FAM161A: variants seen among roughly 807,000 people sequenced by gnomAD.
FAM161A encodes the protein FAM161 centrosomal protein A.
FAM161A carries 57 observed loss-of-function variants against 70.9 expected under a neutral mutation model. The observed-to-expected ratio is 0.80, with a 90% CI of 0.65 to 1.00. The LOEUF (loss-of-function observed/expected upper bound fraction) is 1.00, where lower values mean the gene tolerates loss of function less well. Ranked by LOEUF, FAM161A falls within the 50% of genes least tolerant of loss-of-function variation. The pLI is 0.00. For missense variants in FAM161A, 880 were observed against 836.0 expected (o/e 1.05, Z -0.65); for synonymous variants, 299 against 295.7 (o/e 1.01, Z -0.12).
At chr2:61,845,342 A>T (rs12472573) in intron 1 of FAM161A, among the ~76,000 whole-genome samples, 57,742 of 151,884 alleles carry the variant, frequency 0.38, 11,629 homozygotes, top group East Asian at 0.71. Flanking sequence ...CCATGAGAAC[A>T]CTCCAAACTA....
chr2:61,813,718 CAAAAAAAA>C, the FAM161A span, among the ~76,000 whole-genome samples: 1 of 87,022 alleles, frequency 1.1e-5, no homozygotes, highest in Middle Eastern at 5.9e-3. Context: ...GACCCTGTCT[CAAAAAAAA>C]AAAAAAAAAG....
In FAM161A at chr2:61,840,537, G is replaced by A; in HGVS notation, c.467C>T (p.Thr156Ile). The A allele has an allele frequency of 1.2e-6, 2 of 1,613,638 alleles. No homozygotes were observed. The highest frequency in any genetic ancestry group is 1.7e-6 in the Non-Finnish European group (2 of 1,179,554). The change falls in exon 3 of 7, where the codon ACA (threonine) becomes ATA (isoleucine). Residue 156 changes from threonine (T) to isoleucine (I), a missense_variant. Thr to Ile is a moderately conservative substitution (Grantham distance 89). Transcript: ENST00000404929. ...GCCTAAATCAGGCTCTGAAAATGAT[G>A]TCATTAATGAGACAGGGTGATAGGA... is the stretch of plus-strand genomic sequence containing the variant. ...KNSYHPVSLM[T>I]SFSEPDLGQS...
At chr2:61,804,820 G>GAAAGAAAGAA in the FAM161A span, among the ~76,000 whole-genome samples, 1 of 96,914 alleles carries the variant, frequency 1.0e-5, no homozygotes, top group South Asian at 4.6e-4. Flanking sequence ...GAAAGAAAGA[G>GAAAGAAAGAA]AAAGAGAAAG....
At chr2:61,849,157 TATATATTTATATA>T (rs1401473354) in intron 1 of FAM161A, among the ~76,000 whole-genome samples, 4 of 131,822 alleles carry the variant, frequency 3.0e-5, no homozygotes, top group Non-Finnish European at 6.2e-5. Context: ...TATATTTATT[TATATATTTATATA>T]GTATGTACTG....
At position 61,837,150 on chromosome 2, in the gene FAM161A, G is replaced by A. The variant is rs545130894; in HGVS notation, c.1752-1041C>T. 1.4e-4 allele frequency among the ~76,000 whole-genome samples: 21 copies of A among 152,230 alleles called. No individual in the cohort carries two copies. In the South Asian group the frequency reaches 1.7e-3, roughly 12 times the overall value. ...CCTGAGGTGTTGGGATTACAGATGT[G>A]AGCCATGGCATCCAGCCTTTGCTGT... On this transcript the variant is annotated intron_variant, in intron 4 of 6. Coordinates refer to ENST00000404929, the MANE Select transcript of FAM161A (RefSeq NM_001201543.2).
At position 61,840,399 on chromosome 2, in the gene FAM161A, A is replaced by G. The variant is rs765238873; in HGVS notation, c.605T>C (p.Met202Thr). Reference protein sequence around the residue: ...MTYAKELINNMWTDFCVEDYI... With the variant: ...MTYAKELINNTWTDFCVEDYI... ...ATCCTCAACACAAAAGTCTGTCCAC[A>G]TATTGTTGATGAGCTCCTTAGCATA... Residue 202 changes from methionine to threonine, a missense_variant, in exon 3 of 7, where the codon ATG becomes ACG. Coordinates refer to ENST00000404929, the MANE Select transcript of FAM161A (RefSeq NM_001201543.2). 11 of 1,613,982 alleles carry G rather than the reference A, an allele frequency of 6.8e-6. No individual in the cohort carries two copies. The African/African-American group carries it at 1.3e-4, about 20-fold the overall frequency.
intron 1 of FAM161A, among the ~76,000 whole-genome samples, chr2:61,853,604 G>A (rs1673572520): frequency 6.6e-6 from 1 of 152,178 alleles, no homozygotes; most frequent in Non-Finnish European, 1.5e-5. Context: ...GCACTTGCCA[G>A]AAGCAGAGTA....
the FAM161A span, among the ~76,000 whole-genome samples, chr2:61,804,794 G>GAAAGAAAGAAAGAAAGAA: frequency 6.5e-5 from 9 of 138,944 alleles, no homozygotes; most frequent in South Asian, 2.2e-3. Context: ...AAGAAAGAAA[G>GAAAGAAAGAAAGAAAGAA]AAAGAAAGAA....
At chr2:61,803,816 AAAAT>A in the FAM161A span, among the ~76,000 whole-genome samples, 2 of 152,104 alleles carry the variant, frequency 1.3e-5, no homozygotes, top group African/African-American at 4.8e-5. Flanking sequence ...CTGTCTCGAA[AAAAT>A]AAATAAATAA....
chr2:61,821,788 T>C (rs1393922676), downstream of FAM161A, among the ~76,000 whole-genome samples: 2 of 151,752 alleles, frequency 1.3e-5, no homozygotes, highest in Admixed American at 1.3e-4. Context: ...ATTATTTTTT[T>C]AGACAGAGTC....
chr2:61,804,678 C>G, the FAM161A span, among the ~76,000 whole-genome samples: 3 of 147,336 alleles, frequency 2.0e-5, no homozygotes, highest in Admixed American at 7.0e-5. Flanking sequence ...GAGTGAGACT[C>G]TGCTGAAAGA....
At chr2:61,823,292 C>T (rs9750645), downstream of FAM161A, among the ~76,000 whole-genome samples, 1 of 145,934 alleles carries the variant, frequency 6.9e-6, no homozygotes, top group Admixed American at 6.9e-5. Flanking sequence ...AAGATCGCAC[C>T]ACTGCACTCC....
chr2:61,840,779 T>C (rs1286891524), intron 2 of FAM161A, among the ~76,000 whole-genome samples, 198 bp from the exon 3 acceptor site: 1 of 152,006 alleles, frequency 6.6e-6, no homozygotes, highest in Non-Finnish European at 1.5e-5. Context: ...GCCTCCCGAG[T>C]AGCTGGGACT....
intron 5 of FAM161A, among the ~76,000 whole-genome samples, chr2:61,831,656 T>C (rs1672579209): frequency 6.6e-6 from 1 of 152,174 alleles, no homozygotes. Context: ...CTTCTGGTTG[T>C]ATCATCTAAG....
Position 61,840,078 on chromosome 2 carries a change from G to A in FAM161A, c.926C>T (p.Ser309Phe). Residue 309 changes from serine to phenylalanine, a missense_variant, in exon 3 of 7, where the codon TCT (serine) becomes TTT (phenylalanine). Transcript: ENST00000404929. ...AGCTTCTTTGCTTTTCTCCTTCAGA[G>A]ACCTTCTCCGTTCTTCTTTTTGCTT... The part of the protein sequence containing the change: ...LVKQKEERRR[S>F]LKEKSKEALL... 2 of 1,614,152 alleles carry A rather than the reference G, an allele frequency of 1.2e-6. No homozygotes were observed. The highest frequency in any genetic ancestry group is 1.7e-6 in the Non-Finnish European group (2 of 1,180,038).
In FAM161A at chr2:61,839,766, T is replaced by C. The variant is rs748095219; in HGVS notation, c.1238A>G (p.Glu413Gly). ...TTTACACTTCAACTTTACAGCCTGT[T>C]CAGGACACCTGGGGTTCCTGCATCC... is the stretch of plus-strand genomic sequence containing the variant. ...ACGCRNPRCP[E>G]QAVKLKCKHK... The change falls in exon 3 of 7, where the codon GAA (glutamate) becomes GGA (glycine). Residue 413 changes from glutamate (E) to glycine (G), a missense_variant. Transcript: ENST00000404929. 1.2e-6 allele frequency: 2 copies of C among 1,614,156 alleles called. No homozygotes were observed. Among genetic ancestry groups the C allele is most frequent in the South Asian group, 2.2e-5 (2 of 91,084 alleles).
the FAM161A span, among the ~76,000 whole-genome samples, chr2:61,807,392 A>G: frequency 6.6e-6 from 1 of 151,912 alleles, no homozygotes; most frequent in African/African-American, 2.4e-5. Flanking sequence ...TTTTTCCATT[A>G]TAAGCATTGC....
chr2:61,802,743 C>T, the FAM161A span, among the ~76,000 whole-genome samples: 1 of 152,194 alleles, frequency 6.6e-6, no homozygotes, highest in Non-Finnish European at 1.5e-5. Context: ...TTCATTCAGT[C>T]ATCCTCCTAT....
intron 1 of FAM161A, among the ~76,000 whole-genome samples, chr2:61,847,968 C>T (rs886850938): frequency 6.6e-6 from 1 of 151,962 alleles, no homozygotes; most frequent in Non-Finnish European, 1.5e-5. Context: ...ATGAACCATG[C>T]AAAGAAATGC....
Sources: allele counts gnomAD v4.1 joint callset (sites outside exome capture counted in the v4.1 genomes callset), GRCh38; gene constraint gnomAD v4.1.1; transcripts MANE v1.5; gene names NCBI Gene and HGNC (gene_info 2026-07-23, HGNC 2026-07-21).